BLTP3B: variants seen among roughly 807,000 people sequenced by gnomAD.
The protein encoded by BLTP3B is bridge-like lipid transfer protein family member 3B.
chr12:100,126,617 T>TA, the BLTP3B span, among the ~76,000 whole-genome samples: 9,883 of 151,146 alleles, frequency 0.065, 390 homozygotes, highest in African/African-American at 0.079. Flanking sequence ...AATTTTTTAT[T>TA]AAAAAAAAAG....
the BLTP3B span, among the ~76,000 whole-genome samples, chr12:100,047,328 T>C: frequency 6.6e-6 from 1 of 152,144 alleles, no homozygotes; most frequent in East Asian, 1.9e-4. Flanking sequence ...TGAAACCCCA[T>C]CTCTACTAAA....
At chr12:100,078,836 C>T in the BLTP3B span, among the ~76,000 whole-genome samples, 1 of 152,002 alleles carries the variant, frequency 6.6e-6, no homozygotes. Flanking sequence ...TCTGACAGTT[C>T]CCACGTGTTG....
At chr12:100,124,935 T>TA in the BLTP3B span, among the ~76,000 whole-genome samples, 72 of 49,338 alleles carry the variant, frequency 1.5e-3, no homozygotes, top group Non-Finnish European at 1.9e-3. Flanking sequence ...AAAAAAAAAT[T>TA]TTATATATAT....
the BLTP3B span, among the ~76,000 whole-genome samples, chr12:100,140,803 G>A: frequency 2.8e-5 from 4 of 144,692 alleles, no homozygotes; most frequent in African/African-American, 1.0e-4. Context: ...ATATATGGGT[G>A]TTTTCTATCT....
the BLTP3B span, among the ~76,000 whole-genome samples, chr12:100,111,958 T>C: frequency 1.3e-5 from 2 of 151,858 alleles, no homozygotes; most frequent in Non-Finnish European, 1.5e-5. Context: ...CTCAGGCTGA[T>C]ATCGAATCCC....
At chr12:100,088,834 A>G in the BLTP3B span, 2 of 1,169,428 alleles carry the variant, frequency 1.7e-6, no homozygotes, top group Non-Finnish European at 2.3e-6. Flanking sequence ...GACATCCTAC[A>G]CAACAGATTT....
chr12:100,074,139 C>T, the BLTP3B span, among the ~76,000 whole-genome samples: 26 of 152,240 alleles, frequency 1.7e-4, no homozygotes, highest in East Asian at 5.0e-3. Flanking sequence ...GAAAAGACTC[C>T]CATGACTGAT....
chr12:100,044,483 T>C, the BLTP3B span, among the ~76,000 whole-genome samples: 1 of 152,204 alleles, frequency 6.6e-6, no homozygotes, highest in South Asian at 2.1e-4. Flanking sequence ...CCAGAAGATA[T>C]AAATCTACTG....
the BLTP3B span, among the ~76,000 whole-genome samples, chr12:100,071,596 T>G: frequency 6.6e-6 from 1 of 151,972 alleles, no homozygotes; most frequent in Non-Finnish European, 1.5e-5. Flanking sequence ...ATTTTAATGT[T>G]AGGAAGCTAA....
the BLTP3B span, among the ~76,000 whole-genome samples, chr12:100,137,790 T>C: frequency 6.6e-6 from 1 of 152,206 alleles, no homozygotes; most frequent in African/African-American, 2.4e-5. Flanking sequence ...TTCCTTAATG[T>C]AGCAAATGAG....
chr12:100,127,183 C>T, the BLTP3B span, among the ~76,000 whole-genome samples: 1 of 152,134 alleles, frequency 6.6e-6, no homozygotes, highest in Non-Finnish European at 1.5e-5. Context: ...TACACAAAAT[C>T]AGAACCATCC....
At chr12:100,100,296 C>A in the BLTP3B span, among the ~76,000 whole-genome samples, 1 of 151,806 alleles carries the variant, frequency 6.6e-6, no homozygotes. Flanking sequence ...CAGAGTGAGA[C>A]CTTGTCTCAA....
the BLTP3B span, chr12:100,083,004 A>G: frequency 1.1e-5 from 17 of 1,597,678 alleles, no homozygotes; most frequent in East Asian, 1.6e-4. Context: ...TTAATTGGAA[A>G]AGAAAACATA....
At chr12:100,062,046 CA>C in the BLTP3B span, among the ~76,000 whole-genome samples, 3 of 152,106 alleles carry the variant, frequency 2.0e-5, no homozygotes, top group African/African-American at 7.2e-5. Context: ...GAGGGACATA[CA>C]CACATACACA....
chr12:100,070,365 C>A, the BLTP3B span, among the ~76,000 whole-genome samples: 3 of 151,804 alleles, frequency 2.0e-5, no homozygotes, highest in Non-Finnish European at 4.4e-5. Flanking sequence ...CAGCTCACCA[C>A]AACCTCTGCC....
At chr12:100,139,897 A>T in the BLTP3B span, among the ~76,000 whole-genome samples, 1 of 152,220 alleles carries the variant, frequency 6.6e-6, no homozygotes, top group Non-Finnish European at 1.5e-5. Context: ...ATGGGGGCTC[A>T]CAATTTTAAA....
the BLTP3B span, among the ~76,000 whole-genome samples, chr12:100,078,419 T>C: frequency 5.9e-5 from 9 of 152,148 alleles, no homozygotes; most frequent in African/African-American, 2.2e-4. Context: ...TTATAAATTA[T>C]CCAGTCTCAG....
chr12:100,067,147 A>C, the BLTP3B span, among the ~76,000 whole-genome samples: 1 of 152,186 alleles, frequency 6.6e-6, no homozygotes, highest in African/African-American at 2.4e-5. Context: ...CTGAACAACT[A>C]TAGTGACAAA....
At chr12:100,132,550 T>C in the BLTP3B span, among the ~76,000 whole-genome samples, 107 of 152,320 alleles carry the variant, frequency 7.0e-4, no homozygotes, top group Non-Finnish European at 1.2e-3. Flanking sequence ...CTCCACTATG[T>C]TGTCATGCAG....
Sources: gnomAD v4.1 joint callset for allele counts (sites outside exome capture counted in the v4.1 genomes callset) on GRCh38, gnomAD v4.1.1 for gene constraint, MANE v1.5 for transcripts, NCBI Gene and HGNC (gene_info 2026-07-23, HGNC 2026-07-21) for gene names.